Variants in TBPL2 observed in about 807,000 individuals in gnomAD.
The protein encoded by TBPL2 is TATA-box binding protein like 2, also known as TATA box-binding protein-like 2.
A neutral mutation model predicts 38.2 loss-of-function variants in TBPL2; 40 were observed. The observed-to-expected ratio is 1.05, with a 90% confidence interval of 0.81 to 1.36. The LOEUF (loss-of-function observed/expected upper bound fraction) is 1.36, where lower values mean the gene tolerates loss of function less well. Among genes scored for constraint, TBPL2 ranks in the 40% most tolerant of loss-of-function variants. The pLI, the probability that TBPL2 is intolerant of heterozygous loss-of-function variation, is 0.00. For synonymous variants in TBPL2, 169 were observed against 171.7 expected (o/e 0.98, Z 0.12); for missense variants, 461 against 456.7 (o/e 1.01, Z -0.09).
In TBPL2 at chr14:55,436,554, A is replaced by T. The variant is rs760146296; in HGVS notation, c.608+7T>A. On this transcript the variant is annotated splice_region_variant and intron_variant, in intron 2 of 6. Transcript: ENST00000247219. ...TGTGCTCAATTAAAACAAAAATAAAAACTTACTGTAGTTGAGGTACAATTC... is the reference window on the plus strand; with the variant it reads ...TGTGCTCAATTAAAACAAAAATAAATACTTACTGTAGTTGAGGTACAATTC... The T allele has an allele frequency of 5.0e-6, 8 of 1,610,184 alleles. No individual in the cohort carries two copies. The African/African-American group carries it at 9.4e-5, about 19-fold the overall frequency.
chr14:55,418,223 T>C (rs1885695157), intron 6 of TBPL2, among the ~76,000 whole-genome samples: 1 of 152,234 alleles, frequency 6.6e-6, no homozygotes, highest in African/African-American at 2.4e-5. Context: ...ATGGGGAGTA[T>C]ATTAGATTCA....
At chr14:55,438,610 C>T (rs531346933) in intron 1 of TBPL2, among the ~76,000 whole-genome samples, 1 of 152,264 alleles carries the variant, frequency 6.6e-6, no homozygotes, top group South Asian at 2.1e-4. Context: ...CAAAGCTACA[C>T]GTACACAAGA....
chr14:55,414,375 A>AT lies in TBPL2; in HGVS notation c.*3dup, dbSNP rs781518621. 4 of 1,593,410 alleles carry AT rather than the reference A, an allele frequency of 2.5e-6. No homozygotes were observed. In the Admixed American group the frequency reaches 7.1e-5, roughly 28 times the overall value. On this transcript the variant is annotated 3_prime_UTR_variant, in exon 7 of 7. Transcript: ENST00000247219. ...AGAATAATGTGAGATGCTGAATGAT[A>AT]TGCTCAGGCTTTTTTAAAACCTTTT... is the stretch of plus-strand genomic sequence containing the variant.
Position 55,428,119 on chromosome 14 carries a change from C to CTT in TBPL2, c.956+686_956+687dup, listed in dbSNP as rs567342581. On this transcript the variant is annotated intron_variant, in intron 5 of 6. Transcript: ENST00000247219. ...GCCTAGTCCATTTCACATGCCTTATCTTTTTTTTTTTTTTTTTTTTTTTTT... is the reference window on the plus strand; with the variant it reads ...GCCTAGTCCATTTCACATGCCTTATCTTTTTTTTTTTTTTTTTTTTTTTTTTT... 2.4e-3 allele frequency among the ~76,000 whole-genome samples: 106 copies of CTT among 43,358 alleles called. 32 individuals are homozygous for CTT. The highest frequency in any genetic ancestry group is 0.011 in the East Asian group (13 of 1,170). 28.4% of individuals were successfully genotyped at this position (43,358 alleles called of 152,430 possible).
intron 6 of TBPL2, among the ~76,000 whole-genome samples, chr14:55,420,286 G>A (rs1378318374): frequency 6.6e-6 from 1 of 152,196 alleles, no homozygotes; most frequent in Admixed American, 6.5e-5. Context: ...GGCCAGGCTG[G>A]TCTTGAACTC....
At chr14:55,418,951 G>A (rs914275968) in intron 6 of TBPL2, among the ~76,000 whole-genome samples, 3 of 152,130 alleles carry the variant, frequency 2.0e-5, no homozygotes, top group East Asian at 1.9e-4. Flanking sequence ...AAACCAAGTC[G>A]GAGAACTTAA....
intron 4 of TBPL2, among the ~76,000 whole-genome samples, chr14:55,431,118 C>T (rs1885918431): frequency 6.6e-6 from 1 of 152,168 alleles, no homozygotes; most frequent in Non-Finnish European, 1.5e-5. Flanking sequence ...CACAGGTATC[C>T]CTCATACTCT....
At chr14:55,436,722 G>T (rs764924284) in exon 2 of TBPL2, 1 of 1,614,088 alleles carries the variant, frequency 6.2e-7, no homozygotes, top group Non-Finnish European at 8.5e-7. Context: ...TTGACAAACT[G>T]CTGCTGTTTA....
intron 1 of TBPL2, among the ~76,000 whole-genome samples, chr14:55,439,474 A>C (rs1009503848): frequency 6.8e-6 from 1 of 146,992 alleles, no homozygotes; most frequent in South Asian, 2.2e-4. Context: ...AGCACAATGC[A>C]CTCTCTGTGC....
exon 3 of TBPL2, chr14:55,435,918 C>A (rs777342629): frequency 3.8e-6 from 6 of 1,575,230 alleles, no homozygotes; most frequent in Non-Finnish European, 4.3e-6. Context: ...GCCAGGTTTA[C>A]AGTGGAAACT....
At chr14:55,421,767 T>C (rs1244030331) in intron 6 of TBPL2, among the ~76,000 whole-genome samples, 1 of 151,962 alleles carries the variant, frequency 6.6e-6, no homozygotes, top group Non-Finnish European at 1.5e-5. Flanking sequence ...CCAGAAACTT[T>C]CCCCTCTTTG....
In TBPL2 at chr14:55,426,276, A is replaced by AT. The variant is rs200000554; in HGVS notation, c.957-2024_957-2023insA. Reference sequence around the variant, plus strand: ...GAGCAAAACTCCATCTCAAAAAAAAAAAATAAATAAATAAAATAAAGAGGG... The same window carrying AT: ...GAGCAAAACTCCATCTCAAAAAAAAATAAATAAATAAATAAAATAAAGAGGG... On this transcript the variant is annotated intron_variant, in intron 5 of 6. Coordinates refer to ENST00000247219, the Ensembl canonical transcript of TBPL2. Among the ~76,000 whole-genome samples the AT allele has an allele frequency of 6.9e-3, 1,050 of 151,974 alleles. 19 individuals carry two copies. Among genetic ancestry groups the AT allele is most frequent in the African/African-American group, 0.024 (990 of 41,418 alleles).
At chr14:55,421,941 G>A (rs1594790054) in intron 6 of TBPL2, among the ~76,000 whole-genome samples, 1 of 152,266 alleles carries the variant, frequency 6.6e-6, no homozygotes, top group East Asian at 1.9e-4. Context: ...GATGAGGCAA[G>A]ATTTTATAAA....
intron 3 of TBPL2, 30 bp downstream of exon 3, chr14:55,435,814 CTAA>C (rs1252986986): frequency 1.5e-6 from 2 of 1,343,336 alleles, no homozygotes; most frequent in African/African-American, 3.1e-5. Context: ...TAAAGAGAAG[CTAA>C]TTATTGGAAG....
chr14:55,435,278 ATTT>A (rs34700693), intron 3 of TBPL2, among the ~76,000 whole-genome samples: 2 of 143,968 alleles, frequency 1.4e-5, no homozygotes, highest in Non-Finnish European at 1.5e-5. Context: ...GTCAGGTGAA[ATTT>A]TTTTTTTTTT....
chr14:55,426,056 C>T (rs1433682519), intron 5 of TBPL2, among the ~76,000 whole-genome samples: 2 of 152,072 alleles, frequency 1.3e-5, no homozygotes, highest in Non-Finnish European at 2.9e-5. Context: ...CGCCTGAGGT[C>T]AGGAGTTCAA....
chr14:55,423,157 G>A (rs917293873), intron 6 of TBPL2, among the ~76,000 whole-genome samples: 1 of 152,094 alleles, frequency 6.6e-6, no homozygotes, highest in Non-Finnish European at 1.5e-5. Flanking sequence ...AAAAATGGTC[G>A]ATTTCTGTCT....
intron 6 of TBPL2, among the ~76,000 whole-genome samples, chr14:55,414,719 G>A (rs1429480050): frequency 6.6e-6 from 1 of 152,198 alleles, no homozygotes; most frequent in Non-Finnish European, 1.5e-5. Flanking sequence ...AATGTGGAAT[G>A]TTATCTCTAC....
intron 6 of TBPL2, among the ~76,000 whole-genome samples, chr14:55,421,623 C>T (rs921454176): frequency 6.6e-6 from 1 of 152,112 alleles, no homozygotes; most frequent in African/African-American, 2.4e-5. Context: ...GCCACCATGC[C>T]CAGCTAATTT....
Sources: allele counts gnomAD v4.1 joint callset (sites outside exome capture counted in the v4.1 genomes callset), GRCh38; gene constraint gnomAD v4.1.1; transcripts MANE v1.5; gene names NCBI Gene and HGNC (gene_info 2026-07-23, HGNC 2026-07-21).